Variants in VPS54 observed in about 807,000 individuals in gnomAD.
VPS54 encodes the protein vacuolar protein sorting-associated protein 54.
Under a neutral mutation model 121.5 loss-of-function variants are expected in VPS54, and 45 were observed. The ratio of observed to expected loss-of-function variants is 0.37; its 90% CI spans 0.29 to 0.47. The LOEUF is 0.47. Among genes scored for constraint, VPS54 ranks in the 20% least tolerant of loss-of-function variants. The pLI, the probability that VPS54 is intolerant of heterozygous loss-of-function variation, is 0.99. For missense variants in VPS54, 1,090 were observed against 1,131.4 expected (o/e 0.96, Z 0.52); for synonymous variants, 371 against 385.8 (o/e 0.96, Z 0.45).
intron 16 of VPS54, among the ~76,000 whole-genome samples, chr2:63,914,997 C>G (rs1029775353): frequency 7.9e-5 from 12 of 150,964 alleles, no homozygotes; most frequent in African/African-American, 2.4e-4. Flanking sequence ...ATTAAAAATT[C>G]AAAATTAGCT....
At chr2:63,926,716 G>T (rs535633955) in intron 12 of VPS54, among the ~76,000 whole-genome samples, 1 of 152,216 alleles carries the variant, frequency 6.6e-6, no homozygotes, top group Admixed American at 6.5e-5. Flanking sequence ...GGGGTCGGGG[G>T]ATTTCCCTTT....
At chr2:63,964,398 G>A (rs1575964728) in intron 6 of VPS54, among the ~76,000 whole-genome samples, 2 of 152,142 alleles carry the variant, frequency 1.3e-5, no homozygotes, top group East Asian at 3.9e-4. Flanking sequence ...CTATTAAAAT[G>A]CTATAAAGGA....
rs536808257 is a variant in VPS54, at chr2:63,947,513, C to G, written c.1138-23G>C. The stretch of plus-strand genomic sequence containing the variant: ...TTCCTGTTAAAATAAAAGTATGTAA[C>G]TTGACATTTTAAATATGAAGTAATT... On this transcript the variant is annotated intron_variant, in intron 8 of 22. Coordinates refer to ENST00000272322, the MANE Select transcript of VPS54 (RefSeq NM_016516.3). The G allele has an allele frequency of 3.3e-5, 48 of 1,438,584 alleles. No individual in the cohort carries two copies. The South Asian group carries it at 5.8e-4, about 17-fold the overall frequency. The allele number at this position is 1,438,584 out of a possible 1,614,324, so 89.1% of individuals were successfully genotyped here.
intron 1 of VPS54, among the ~76,000 whole-genome samples, chr2:64,009,847 CTTT>C (rs11354356): frequency 7.8e-5 from 11 of 141,618 alleles, no homozygotes; most frequent in Non-Finnish European, 7.7e-5. Context: ...ATAATTGACC[CTTT>C]TTTTTTTTTT....
chr2:63,990,445 A>T (rs1677265351), intron 1 of VPS54, among the ~76,000 whole-genome samples: 1 of 151,986 alleles, frequency 6.6e-6, no homozygotes, highest in South Asian at 2.1e-4. Flanking sequence ...GCCCTACCCC[A>T]TCCACTTCAG....
At chr2:63,992,301 T>G (rs1304884788) in intron 1 of VPS54, among the ~76,000 whole-genome samples, 1 of 152,194 alleles carries the variant, frequency 6.6e-6, no homozygotes, top group Non-Finnish European at 1.5e-5. Context: ...AGGAAAAAAG[T>G]TTGAGGGTTT....
At chr2:63,896,091 G>A (rs13431466) in intron 22 of VPS54, among the ~76,000 whole-genome samples, 165 of 152,284 alleles carry the variant, frequency 1.1e-3, no homozygotes, top group Middle Eastern at 0.01. Flanking sequence ...TCAGGAGCAG[G>A]TCTCTTATGT....
At chr2:63,924,943 G>T (rs1251921806) in intron 12 of VPS54, among the ~76,000 whole-genome samples, 2 of 152,122 alleles carry the variant, frequency 1.3e-5, no homozygotes, top group African/African-American at 4.8e-5. Context: ...ATGTGAAAAA[G>T]ACAGTAACAA....
In VPS54 at chr2:63,893,396, G is replaced by A. The variant is rs1672309180; in HGVS notation, c.*34C>T. The A allele has an allele frequency of 6.5e-7, 1 of 1,543,582 alleles. No homozygotes were observed. Among genetic ancestry groups the A allele is most frequent in the African/African-American group, 1.4e-5 (1 of 73,368 alleles). The stretch of plus-strand genomic sequence containing the variant: ...TTTCTTCATAACAAACACATCCCAT[G>A]GTCAGATGAACTACCCAGTTTTCCA... On this transcript the variant is annotated 3_prime_UTR_variant, in exon 23 of 23. Transcript: ENST00000272322.
intron 9 of VPS54, 78 bp downstream of exon 9, chr2:63,947,305 A>T: frequency 7.8e-7 from 1 of 1,287,674 alleles, no homozygotes; most frequent in Non-Finnish European, 1.0e-6. Context: ...CACTATATAT[A>T]TTATTACTAG....
intron 12 of VPS54, among the ~76,000 whole-genome samples, chr2:63,931,420 G>T (rs1674195556): frequency 6.6e-6 from 1 of 152,058 alleles, no homozygotes; most frequent in African/African-American, 2.4e-5. Flanking sequence ...TTCCCTATTT[G>T]ATAAATGGTG....
chr2:63,957,740 G>A (rs1299549132), intron 7 of VPS54, among the ~76,000 whole-genome samples: 1 of 152,110 alleles, frequency 6.6e-6, no homozygotes, highest in Non-Finnish European at 1.5e-5. Flanking sequence ...AAGAACAAAT[G>A]TATGTAGGAA....
In VPS54 at chr2:63,983,871, T is replaced by C; in HGVS notation, c.129A>G (p.Glu43=). The C allele has an allele frequency of 6.3e-7, 1 of 1,596,116 alleles. No individual in the cohort carries two copies. Among genetic ancestry groups the C allele is most frequent in the Non-Finnish European group, 8.5e-7 (1 of 1,172,932 alleles). Residue 43 remains glutamate, a synonymous_variant, in exon 2 of 23, where the codon GAA becomes GAG. Coordinates refer to ENST00000272322, the MANE Select transcript of VPS54 (RefSeq NM_016516.3). ...AAAAAAAAAAAGCATTACCTGTGGG[T>C]TCCTTGGGACACACATCTGGCAGTG... ...VPSLPDVCPK[E]PTGDSHSLYV...
At chr2:63,906,228 T>G (rs1672897943) in intron 20 of VPS54, among the ~76,000 whole-genome samples, 1 of 152,204 alleles carries the variant, frequency 6.6e-6, no homozygotes, top group Non-Finnish European at 1.5e-5. Flanking sequence ...TTGAAAAAGA[T>G]GCAAGATTCT....
At chr2:64,004,267 A>C (rs1335301982) in intron 1 of VPS54, among the ~76,000 whole-genome samples, 3 of 152,234 alleles carry the variant, frequency 2.0e-5, no homozygotes, top group Non-Finnish European at 2.9e-5. Context: ...GAATAACCAA[A>C]TTAGAAAATC....
chr2:63,895,579 A>C (rs116776377), intron 22 of VPS54, among the ~76,000 whole-genome samples: 2,696 of 152,356 alleles, frequency 0.018, 33 homozygotes, highest in Non-Finnish European at 0.022. Context: ...GTTACGCATC[A>C]CTGTGAAGAC....
intron 1 of VPS54, among the ~76,000 whole-genome samples, chr2:63,994,444 C>A (rs1011298822): frequency 2.6e-5 from 4 of 152,082 alleles, no homozygotes; most frequent in Non-Finnish European, 5.9e-5. Flanking sequence ...GACGCTCCTG[C>A]AGAAATCTAC....
chr2:63,990,432 C>CA (rs1399696560), intron 1 of VPS54, among the ~76,000 whole-genome samples: 1 of 152,162 alleles, frequency 6.6e-6, no homozygotes, highest in Non-Finnish European at 1.5e-5. Context: ...TATAATTCTT[C>CA]AGGCCCTACC....
intron 4 of VPS54, among the ~76,000 whole-genome samples, chr2:63,969,494 C>A (rs957777373): frequency 6.6e-6 from 1 of 152,042 alleles, no homozygotes; most frequent in African/African-American, 2.4e-5. Context: ...CTAGGTTGTG[C>A]CCTCCTTATA....
Sources: allele counts gnomAD v4.1 joint callset (sites outside exome capture counted in the v4.1 genomes callset), GRCh38; gene constraint gnomAD v4.1.1; transcripts MANE v1.5; gene names NCBI Gene and HGNC (gene_info 2026-07-23, HGNC 2026-07-21).